The following MTRR variants were observed in gnomAD, a reference collection of about 807,000 sequenced individuals.
MTRR encodes 5-methyltetrahydrofolate-homocysteine methyltransferase reductase.
A neutral mutation model predicts 79.2 loss-of-function variants in MTRR; 63 were observed. The ratio of observed to expected loss-of-function variants is 0.80; its 90% CI spans 0.65 to 0.98. MTRR has a LOEUF of 0.98. MTRR is among the 50% of genes least tolerant of loss of function. The pLI is 0.00. For synonymous variants in MTRR, 355 were observed against 313.3 expected (o/e 1.13, Z -1.41); for missense variants, 895 against 839.6 (o/e 1.07, Z -0.82).
At chr5:7,888,742 A>G (rs1466330819) in intron 8 of MTRR, among the ~76,000 whole-genome samples, 1 of 152,224 alleles carries the variant, frequency 6.6e-6, no homozygotes, top group East Asian at 1.9e-4. Context: ...CTTTGTTCCT[A>G]AAGAGCCCTT....
chr5:7,891,456 A>C (rs1430949596), intron 10 of MTRR, 42 bp downstream of exon 10: 11 of 1,521,276 alleles, frequency 7.2e-6, no homozygotes, highest in Middle Eastern at 3.4e-4. Flanking sequence ...TTGTTTCTCC[A>C]AAATCTTAGA....
intron 10 of MTRR, among the ~76,000 whole-genome samples, chr5:7,892,024 A>G (rs2126789379): frequency 6.6e-6 from 1 of 152,278 alleles, no homozygotes; most frequent in South Asian, 2.1e-4. Context: ...CCTGGGCGAC[A>G]GTGATACCCT....
Position 7,899,044 on chromosome 5 carries a change from A to C in MTRR, c.1953-870A>C, listed in dbSNP as rs540242126. Among the ~76,000 whole-genome samples the C allele has an allele frequency of 2.0e-5, 3 of 152,202 alleles. No individual in the cohort carries two copies. In the South Asian group the frequency reaches 6.2e-4, roughly 32 times the overall value. ...GGGGGAGCAGGCACCTCACACGGCA[A>C]GAGAGGGAGCAAGAGGCAGGGGGAG... On this transcript the variant is annotated intron_variant, in intron 14 of 14. Coordinates refer to ENST00000440940, the MANE Select transcript of MTRR (RefSeq NM_002454.3).
intron 8 of MTRR, 126 bp from the exon 9 acceptor site, chr5:7,888,969 G>T (rs1579756116): frequency 9.8e-7 from 1 of 1,021,340 alleles, no homozygotes; most frequent in East Asian, 2.5e-5. Flanking sequence ...CCTGACAATA[G>T]CTCCTAGTGG....
intron 1 of MTRR, among the ~76,000 whole-genome samples, chr5:7,860,601 G>A (rs1746468061): frequency 6.6e-6 from 1 of 152,174 alleles, no homozygotes; most frequent in Non-Finnish European, 1.5e-5. Context: ...AATTAACAAC[G>A]TTGGGATTTA....
chr5:7,878,859 T>C (rs1321089755), intron 5 of MTRR, among the ~76,000 whole-genome samples: 2 of 152,242 alleles, frequency 1.3e-5, no homozygotes, highest in East Asian at 3.9e-4. Context: ...AGGCAGTCTT[T>C]GAATGCAGGG....
chr5:7,869,966 C>G (rs1414451953), intron 1 of MTRR: 1 of 958,030 alleles, frequency 1.0e-6, no homozygotes, highest in East Asian at 1.2e-4. Context: ...CACCGAAAGC[C>G]AAGCTTTTGG....
intron 11 of MTRR, among the ~76,000 whole-genome samples, chr5:7,893,872 A>C (rs565678182): frequency 1.0e-3 from 158 of 152,158 alleles, no homozygotes; most frequent in Non-Finnish European, 1.6e-3. Context: ...GAACAGAGAG[A>C]TGCTTTATTG....
chr5:7,856,165 G>A (rs192241532), intron 1 of MTRR, among the ~76,000 whole-genome samples: 8 of 152,306 alleles, frequency 5.3e-5, no homozygotes, highest in African/African-American at 1.7e-4. Context: ...AATGTGGAAC[G>A]TTGTATGCAA....
intron 2 of MTRR, among the ~76,000 whole-genome samples, chr5:7,872,605 C>T (rs1206066314): frequency 6.6e-6 from 1 of 152,142 alleles, no homozygotes; most frequent in Admixed American, 6.5e-5. Flanking sequence ...TTTAATTTCC[C>T]AGTTTTAAAA....
At chr5:7,867,757 C>G (rs1454858963), upstream of MTRR, 1 of 1,614,196 alleles carries the variant, frequency 6.2e-7, no homozygotes, top group South Asian at 1.1e-5. Context: ...CTGATGAAGT[C>G]AAGTTGCTCA....
upstream of MTRR, chr5:7,869,120 C>A (rs763340809): frequency 6.2e-7 from 1 of 1,613,502 alleles, no homozygotes; most frequent in Admixed American, 1.7e-5. Context: ...TTCTATTGGT[C>A]CTGGGTACCG....
At chr5:7,898,988 C>G (rs777669605) in intron 14 of MTRR, among the ~76,000 whole-genome samples, 2 of 152,044 alleles carry the variant, frequency 1.3e-5, no homozygotes, top group African/African-American at 2.4e-5. Flanking sequence ...GGTGAAGACC[C>G]CAGGAAGCTT....
chr5:7,871,398 G>C lies in MTRR; in HGVS notation c.129+475G>C, dbSNP rs188311009. Reference sequence around the variant, plus strand: ...GTAAGGATCTGGAAAAAACTCGGCTGCTTCTTCAGGGACTAGTTGTTTATG... The same window carrying C: ...GTAAGGATCTGGAAAAAACTCGGCTCCTTCTTCAGGGACTAGTTGTTTATG... On this transcript the variant is annotated intron_variant, in intron 2 of 14. Transcript: ENST00000440940. 2.6e-4 allele frequency among the ~76,000 whole-genome samples: 40 copies of C among 152,350 alleles called. 1 individual carries two copies. The highest frequency in any genetic ancestry group is 3.4e-3 in the Middle Eastern group (1 of 294).
chr5:7,884,673 A>G (rs1014029757), intron 6 of MTRR, among the ~76,000 whole-genome samples: 4 of 151,808 alleles, frequency 2.6e-5, no homozygotes, highest in Non-Finnish European at 5.9e-5. Context: ...CCCCCTTCCT[A>G]CCCTCCACAC....
upstream of MTRR, chr5:7,865,756 A>C (rs1746900365): frequency 3.2e-6 from 2 of 618,214 alleles, no homozygotes; most frequent in Non-Finnish European, 5.8e-6. Context: ...CATTTATCAA[A>C]GAAAAGCCTA....
Position 7,878,277 on chromosome 5 carries a change from AC to A in MTRR, c.740del (p.Pro247GlnfsTer21), listed in dbSNP as rs752858024. 5.0e-6 allele frequency: 8 copies of A among 1,613,984 alleles called. No homozygotes were observed. The highest frequency in any genetic ancestry group is 5.9e-6 in the Non-Finnish European group (7 of 1,180,038). The stretch of plus-strand genomic sequence containing the variant: ...AAGCCTCTCTGAATATTCCTGGTTT[AC>A]CCCCAGAATATTTACAGGTACATCT... Reference protein sequence around the residue: ...SQASLNIPGLPPEYLQVHLQE... With the variant: ...SQASLNIPGLXPEYLQVHLQE... On this transcript the variant is annotated frameshift_variant, in exon 5 of 15. Transcript: ENST00000440940. LOFTEE classifies it high-confidence loss of function.
chr5:7,877,523 G>A (rs868600708), intron 4 of MTRR, among the ~76,000 whole-genome samples: 96 of 141,248 alleles, frequency 6.8e-4, no homozygotes, highest in African/African-American at 2.5e-3. Context: ...AAAAAAAAAA[G>A]GTGCATTTGA....
chr5:7,865,519 G>A (rs1387351123), upstream of MTRR, among the ~76,000 whole-genome samples: 2 of 152,144 alleles, frequency 1.3e-5, no homozygotes, highest in East Asian at 1.9e-4. Flanking sequence ...AAAATATACT[G>A]TACTTGCAAA....
Sources: gnomAD v4.1 joint callset for allele counts (sites outside exome capture counted in the v4.1 genomes callset) on GRCh38, gnomAD v4.1.1 for gene constraint, MANE v1.5 for transcripts, NCBI Gene and HGNC (gene_info 2026-07-23, HGNC 2026-07-21) for gene names.